NF1: variants seen among roughly 807,000 people sequenced by gnomAD.
NF1 encodes the protein neurofibromin.
NF1 carries 122 observed loss-of-function variants against 325.7 expected under a neutral mutation model. The ratio of observed to expected loss-of-function variants is 0.37; its 90% CI spans 0.32 to 0.44. The LOEUF is 0.44. NF1 is among the 20% of genes least tolerant of loss of function. The probability of loss-of-function intolerance (pLI) is 1.00; values close to 1 mark genes in which losing one functional copy is unlikely to be tolerated. For missense variants in NF1, 2,140 were observed against 3,415.4 expected (o/e 0.63, Z 9.31); for synonymous variants, 1,091 against 1,186.0 (o/e 0.92, Z 1.65).
Position 31,358,525 on chromosome 17 carries a change from C to T in NF1, c.8016C>T (p.Cys2672=), listed in dbSNP as rs779842988. 3.7e-6 allele frequency: 6 copies of T among 1,613,772 alleles called. No homozygotes were observed. The highest frequency in any genetic ancestry group is 4.2e-6 in the Non-Finnish European group (5 of 1,179,900). The part of the protein sequence containing the change: ...DSKINTLLSL[C]QDPNLLNPIH... Reference sequence around the variant, plus strand: ...AGATCAACACCCTGTTATCATTGTGCCAAGATCCAAATTTGTTAAATCCAA... The same window carrying T: ...AGATCAACACCCTGTTATCATTGTGTCAAGATCCAAATTTGTTAAATCCAA... Residue 2672 remains cysteine, a synonymous_variant, in exon 55 of 58, where the codon TGC becomes TGT. Coordinates refer to ENST00000358273, the MANE Select transcript of NF1 (RefSeq NM_001042492.3).
At chr17:31,149,999 T>G (rs1916818954) in intron 1 of NF1, among the ~76,000 whole-genome samples, 1 of 152,224 alleles carries the variant, frequency 6.6e-6, no homozygotes, top group Admixed American at 6.5e-5. Flanking sequence ...TGCCTCTGTA[T>G]CTGTCTCTCA....
chr17:31,118,938 C>CT (rs35974893), intron 1 of NF1, among the ~76,000 whole-genome samples: 78,780 of 146,300 alleles, frequency 0.54, 24,523 homozygotes, highest in Middle Eastern at 0.77. Context: ...GTCTCTCTCT[C>CT]TTTTTTTTTT....
intron 36 of NF1, chr17:31,321,840 T>G (rs1419519701): frequency 6.6e-6 from 1 of 152,158 alleles, no homozygotes; most frequent in East Asian, 1.9e-4. Context: ...TTTGACAGTA[T>G]GCTCATTCTA....
At chr17:31,163,141 C>A in intron 3 of NF1, 45 bp from the exon 4 acceptor site, 1 of 1,589,534 alleles carries the variant, frequency 6.3e-7, no homozygotes, top group Non-Finnish European at 8.6e-7. Context: ...AAAATGTTTA[C>A]AGGTAAAATT....
chr17:31,327,380 G>A, intron 37 of NF1, 119 bp from the exon 38 acceptor site: 3 of 727,604 alleles, frequency 4.1e-6, no homozygotes, highest in South Asian at 1.5e-5. Flanking sequence ...ACAATGGTGG[G>A]AACTCTTCCT....
intron 46 of NF1, 85 bp from the exon 47 acceptor site, chr17:31,340,420 C>T: frequency 1.3e-6 from 2 of 1,551,326 alleles, no homozygotes; most frequent in South Asian, 2.2e-5. Context: ...GGAAGATAAG[C>T]TGCTTTATTT....
At chr17:31,299,243 C>T (rs565219545) in intron 36 of NF1, among the ~76,000 whole-genome samples, 7 of 151,666 alleles carry the variant, frequency 4.6e-5, no homozygotes, top group Admixed American at 2.0e-4. Flanking sequence ...CTAACCTGCA[C>T]GTTGTGCACA....
intron 1 of NF1, among the ~76,000 whole-genome samples, chr17:31,140,416 A>G (rs1916129925): frequency 6.6e-6 from 1 of 152,212 alleles, no homozygotes. Flanking sequence ...AGTTGTTTAT[A>G]GCAATACTGT....
rs752569823 is a variant in NF1, at chr17:31,336,749, C to T, written c.6262C>T (p.Leu2088=). The stretch of plus-strand genomic sequence containing the variant: ...TATTTTAGCACGCTACATGCTGATG[C>T]TGTCCTTCAACAATTCCCTTGATGT... ...IAILARYMLM[L]SFNNSLDVAA... The change falls in exon 42 of 58, where the codon CTG becomes TTG. Residue 2088 remains leucine, a synonymous_variant. Coordinates refer to ENST00000358273, the MANE Select transcript of NF1 (RefSeq NM_001042492.3). This position sits in a 1 kb window ranked among gnomAD's most constrained non-coding sequence, Gnocchi z 5.5. 6.2e-7 allele frequency: 1 copy of T among 1,614,118 alleles called. No homozygotes were observed. The highest frequency in any genetic ancestry group is 2.2e-5 in the East Asian group (1 of 44,874).
chr17:31,361,643 TA>T (rs1324713177), intron 57 of NF1: 3 of 152,196 alleles, frequency 2.0e-5, no homozygotes, highest in Non-Finnish European at 4.4e-5. Flanking sequence ...GAAAAGTTAC[TA>T]TATATAGTTC....
chr17:31,174,413 T>C (rs995138599), intron 5 of NF1, among the ~76,000 whole-genome samples: 1 of 152,218 alleles, frequency 6.6e-6, no homozygotes, highest in Non-Finnish European at 1.5e-5. Context: ...GTAATCTTTA[T>C]CAAGGGCCCT....
chr17:31,211,323 T>C (rs2066724988), intron 12 of NF1, among the ~76,000 whole-genome samples: 1 of 152,234 alleles, frequency 6.6e-6, no homozygotes, highest in Non-Finnish European at 1.5e-5. Flanking sequence ...TCACTTTCTG[T>C]AACCCACTAA....
intron 29 of NF1, among the ~76,000 whole-genome samples, chr17:31,237,402 G>A (rs2067222313): frequency 6.6e-6 from 1 of 152,066 alleles, no homozygotes; most frequent in African/African-American, 2.4e-5. Flanking sequence ...AGCCTCCCAA[G>A]TAGCTGGGAT....
chr17:31,330,187 A>T, intron 38 of NF1, 109 bp from the exon 39 acceptor site: 1 of 921,410 alleles, frequency 1.1e-6, no homozygotes, highest in Non-Finnish European at 1.7e-6. Flanking sequence ...AAATTTAAAA[A>T]TAGTTGATCA....
chr17:31,293,210 A>G (rs1262905191), intron 36 of NF1, among the ~76,000 whole-genome samples: 3 of 132,952 alleles, frequency 2.3e-5, no homozygotes, highest in Non-Finnish European at 4.7e-5. Context: ...AAAAAAAAAA[A>G]AGAAACCTAC....
chr17:31,214,657 C>G lies in NF1; in HGVS notation c.1527+72C>G, dbSNP rs979235979. ...ATTGGGTTTAGCTGAAACGCCAAGA[C>G]CTTGAGGATAATTTTTAGCTCAAGA... On this transcript the variant is annotated intron_variant, in intron 13 of 57. Coordinates refer to ENST00000358273, the MANE Select transcript of NF1 (RefSeq NM_001042492.3). 10 of 1,474,432 alleles carry G rather than the reference C, an allele frequency of 6.8e-6. No individual in the cohort carries two copies. In the Admixed American group the frequency reaches 7.3e-5, roughly 11 times the overall value. 91.3% of individuals were successfully genotyped at this position (1,474,432 alleles called of 1,614,324 possible).
At chr17:31,178,903 C>T (rs2066074311) in intron 5 of NF1, among the ~76,000 whole-genome samples, 1 of 152,128 alleles carries the variant, frequency 6.6e-6, no homozygotes, top group Non-Finnish European at 1.5e-5. Context: ...TAGACTCCCA[C>T]ACAATAATAA....
chr17:31,218,879 A>G (rs2066870460), intron 13 of NF1, 126 bp from the exon 14 acceptor site: 1 of 990,384 alleles, frequency 1.0e-6, no homozygotes, highest in Non-Finnish European at 1.5e-6. Context: ...GCCTAGTTCT[A>G]GAACATTGTT....
At chr17:31,096,911 G>T (rs766760166) in intron 1 of NF1, among the ~76,000 whole-genome samples, 4 of 146,792 alleles carry the variant, frequency 2.7e-5, no homozygotes, top group Non-Finnish European at 4.6e-5. Flanking sequence ...TTGATAGAGC[G>T]TTAGATTTAA....
Sources: allele counts gnomAD v4.1 joint callset (sites outside exome capture counted in the v4.1 genomes callset), GRCh38; gene constraint gnomAD v4.1.1; non-coding constraint Gnocchi (gnomAD v3.1); transcripts MANE v1.5; gene names NCBI Gene and HGNC (gene_info 2026-07-23, HGNC 2026-07-21).